Variants in MON2 observed in about 807,000 individuals in gnomAD.
MON2 encodes the protein protein MON2 homolog.
Under a neutral mutation model 208.6 loss-of-function variants are expected in MON2, and 84 were observed. That is an observed-to-expected ratio of 0.40 (90% CI 0.34 to 0.48). The LOEUF is 0.48. Among genes scored for constraint, MON2 ranks in the 20% least tolerant of loss-of-function variants. The probability of loss-of-function intolerance (pLI) is 0.59; values close to 1 mark genes in which losing one functional copy is unlikely to be tolerated. For missense variants in MON2, 1,611 were observed against 2,015.4 expected (o/e 0.80, Z 3.84); for synonymous variants, 660 against 694.0 (o/e 0.95, Z 0.77).
intron 1 of MON2, among the ~76,000 whole-genome samples, chr12:62,477,813 G>A (rs1429325635): frequency 6.6e-6 from 1 of 152,112 alleles, no homozygotes; most frequent in Non-Finnish European, 1.5e-5. Flanking sequence ...GGAAAGAAAA[G>A]TTTTCTCTTT....
chr12:62,524,368 CT>C, intron 8 of MON2, 146 bp from the exon 9 acceptor site: 1 of 598,100 alleles, frequency 1.7e-6, no homozygotes, highest in Admixed American at 3.0e-5. Flanking sequence ...TTTCCTTTCT[CT>C]GTTTCTCCAC....
chr12:62,490,979 G>T (rs969295871), intron 2 of MON2, among the ~76,000 whole-genome samples: 1 of 152,134 alleles, frequency 6.6e-6, no homozygotes, highest in African/African-American at 2.4e-5. Flanking sequence ...CCCCTGATTG[G>T]TATGCATCTT....
Position 62,579,509 on chromosome 12 carries a change from G to A in MON2, c.4576-788G>A, listed in dbSNP as rs550537664. 8.6e-5 allele frequency among the ~76,000 whole-genome samples: 13 copies of A among 151,548 alleles called. No individual in the cohort carries two copies. The South Asian group carries it at 2.7e-3, about 32-fold the overall frequency. Reference sequence around the variant, plus strand: ...GAGGTGGAGGCAGGCAGACCATGAGGTCAGGAGATTGAGACCATCCTGGTT... The same window carrying A: ...GAGGTGGAGGCAGGCAGACCATGAGATCAGGAGATTGAGACCATCCTGGTT... On this transcript the variant is annotated intron_variant, in intron 31 of 34. Coordinates refer to ENST00000393630, the MANE Select transcript of MON2 (RefSeq NM_015026.3).
intron 2 of MON2, among the ~76,000 whole-genome samples, chr12:62,488,058 A>G (rs1279668884): frequency 6.6e-6 from 1 of 152,180 alleles, no homozygotes; most frequent in Non-Finnish European, 1.5e-5. Context: ...AGGCTAATAA[A>G]TAAATTACAC....
intron 30 of MON2, among the ~76,000 whole-genome samples, chr12:62,574,450 C>T (rs975092004): frequency 1.3e-5 from 2 of 152,080 alleles, no homozygotes; most frequent in Non-Finnish European, 2.9e-5. Context: ...GTTCATGGCT[C>T]ACTGCGGCCT....
At chr12:62,505,872 C>T (rs1306336444) in intron 7 of MON2, among the ~76,000 whole-genome samples, 3 of 152,012 alleles carry the variant, frequency 2.0e-5, no homozygotes, top group African/African-American at 7.3e-5. Context: ...GCCCGGGTGA[C>T]AGAGCAAGAC....
At chr12:62,536,514 T>C (rs2072976598) in intron 14 of MON2, among the ~76,000 whole-genome samples, 1 of 152,104 alleles carries the variant, frequency 6.6e-6, no homozygotes, top group Non-Finnish European at 1.5e-5. Flanking sequence ...AATGTATTGC[T>C]CTCTAAATTA....
chr12:62,569,407 T>C lies in MON2; in HGVS notation c.4324-1985T>C, dbSNP rs1212388115. Among the ~76,000 whole-genome samples, 7 of 152,200 alleles carry C rather than the reference T, an allele frequency of 4.6e-5. No homozygotes were observed. In the East Asian group the frequency reaches 7.7e-4, roughly 17 times the overall value. ...AAAGATAGAGGAAGGCCATTATGAC[T>C]GGCTGATCCAGTGGTTCAGCAGTAT... On this transcript the variant is annotated intron_variant, in intron 29 of 34. Transcript: ENST00000393630.
intron 3 of MON2, among the ~76,000 whole-genome samples, 156 bp from the exon 4 acceptor site, chr12:62,494,860 A>G (rs2070384302): frequency 6.6e-6 from 1 of 152,178 alleles, no homozygotes; most frequent in Non-Finnish European, 1.5e-5. Flanking sequence ...ATTACTTGAG[A>G]GATGTGTTTG....
rs546073041 is a variant in MON2, at chr12:62,550,211, A to G, written c.2916+381A>G. Among the ~76,000 whole-genome samples the G allele has an allele frequency of 3.3e-5, 5 of 152,298 alleles. No homozygotes were observed. In the South Asian group the frequency reaches 6.2e-4, roughly 19 times the overall value. On this transcript the variant is annotated intron_variant, in intron 23 of 34. Transcript: ENST00000393630. ...TTGACTTTTTATCTTTAGCCATGAA[A>G]GTCCTACATGACATCTTCAAGTACA...
intron 24 of MON2, among the ~76,000 whole-genome samples, chr12:62,554,416 C>G (rs2073877359): frequency 6.6e-6 from 1 of 152,104 alleles, no homozygotes. Flanking sequence ...TATCAAGTTC[C>G]TGGGTGAAGC....
intron 33 of MON2, among the ~76,000 whole-genome samples, chr12:62,586,224 A>G (rs1458613805): frequency 6.6e-6 from 1 of 152,248 alleles, no homozygotes; most frequent in Non-Finnish European, 1.5e-5. Context: ...TATCAAAGTC[A>G]GGAAAGACGA....
chr12:62,578,430 G>GTTTTT lies in MON2; in HGVS notation c.4515-7_4515-3dup. On this transcript the variant is annotated splice_polypyrimidine_tract_variant and intron_variant, in intron 30 of 34. Transcript: ENST00000393630. The stretch of plus-strand genomic sequence containing the variant: ...AATATTTTATCTTTAAAAATCAAGT[G>GTTTTT]TTTTTTTTTTTTAGCATACCTCCAG... 2.7e-6 allele frequency: 3 copies of GTTTTT among 1,130,456 alleles called. No homozygotes were observed. The highest frequency in any genetic ancestry group is 2.8e-5 in the East Asian group (1 of 35,104). 70.0% of individuals were successfully genotyped at this position (1,130,456 alleles called of 1,614,324 possible).
At chr12:62,506,587 G>T (rs2071110137) in intron 7 of MON2, among the ~76,000 whole-genome samples, 1 of 152,118 alleles carries the variant, frequency 6.6e-6, no homozygotes, top group Non-Finnish European at 1.5e-5. Context: ...TTAGCCAGGT[G>T]TGGTGGCAGA....
rs1247064136 is a variant in MON2, at chr12:62,599,615, A to G, written c.*6866A>G. On this transcript the variant is annotated 3_prime_UTR_variant, in exon 35 of 35. Transcript: ENST00000393630. ...GTAGCCTTGCAAAGAAGTTATTTTCATTTTACAGAAGAGTCAAGGATTAGG... is the reference window on the plus strand; with the variant it reads ...GTAGCCTTGCAAAGAAGTTATTTTCGTTTTACAGAAGAGTCAAGGATTAGG... 2.0e-5 allele frequency: 3 copies of G among 152,166 alleles called. No individual in the cohort carries two copies. The highest frequency in any genetic ancestry group is 4.4e-5 in the Non-Finnish European group (3 of 68,026). 9.4% of individuals were successfully genotyped at this position (152,166 alleles called of 1,614,324 possible).
At chr12:62,467,805 G>A (rs2068590100) in intron 1 of MON2, among the ~76,000 whole-genome samples, 2 of 152,162 alleles carry the variant, frequency 1.3e-5, no homozygotes, top group African/African-American at 4.8e-5. Context: ...ACTATCCAGA[G>A]CCACCTAATT....
intron 24 of MON2, 125 bp from the exon 25 acceptor site, chr12:62,555,869 G>A (rs1260052072): frequency 5.7e-6 from 4 of 702,042 alleles, no homozygotes; most frequent in Non-Finnish European, 9.5e-6. Context: ...CCAATATATA[G>A]GGATTGATAA....
rs964517485 is a variant in MON2, at chr12:62,594,348, A to C, written c.*1599A>C. On this transcript the variant is annotated 3_prime_UTR_variant, in exon 35 of 35. Transcript: ENST00000393630. The stretch of plus-strand genomic sequence containing the variant: ...ATTTGCATTATCTGTAAAATGTAGT[A>C]AGGTCTTTGAGGGGATATTTTTTAT... 1.3e-5 allele frequency: 2 copies of C among 152,188 alleles called. No homozygotes were observed. Among genetic ancestry groups the C allele is most frequent in the East Asian group, 3.8e-4 (2 of 5,202 alleles). The allele number at this position is 152,188 out of a possible 1,614,324, so 9.4% of individuals were successfully genotyped here. A position where few individuals can be genotyped will look rare whatever the true frequency, so the allele number is the denominator to read the frequency against.
At chr12:62,490,038 T>TA in intron 2 of MON2, 1 of 1,205,746 alleles carries the variant, frequency 8.3e-7, no homozygotes, top group Non-Finnish European at 1.1e-6. Context: ...TTTTCCAGGA[T>TA]AAAAACTGCA....
Sources: gnomAD v4.1 joint callset for allele counts (sites outside exome capture counted in the v4.1 genomes callset) on GRCh38, gnomAD v4.1.1 for gene constraint, MANE v1.5 for transcripts, NCBI Gene and HGNC (gene_info 2026-07-23, HGNC 2026-07-21) for gene names.